GPC6: variants seen among roughly 807,000 people sequenced by gnomAD.
The protein encoded by GPC6 is glypican 6.
In GPC6, 14 loss-of-function variants were observed where a neutral mutation model predicts 55.2. The observed-to-expected ratio is 0.25, with a 90% CI of 0.17 to 0.40. The LOEUF is 0.40. GPC6 is among the 10% of genes least tolerant of loss of function. The probability of loss-of-function intolerance (pLI) is 1.00; values close to 1 mark genes in which losing one functional copy is unlikely to be tolerated. For missense variants in GPC6, 641 were observed against 708.5 expected, an observed-to-expected ratio of 0.90 and a Z score of 1.08; for synonymous variants, 278 against 259.6, an observed-to-expected ratio of 1.07 and a Z score of -0.68.
intron 2 of GPC6, among the ~76,000 whole-genome samples, chr13:93,558,776 T>C (rs1269804078): frequency 1.3e-5 from 2 of 152,166 alleles, no homozygotes; most frequent in Non-Finnish European, 2.9e-5. Flanking sequence ...ACTAACAGGT[T>C]TACACTGTGG....
intron 2 of GPC6, among the ~76,000 whole-genome samples, chr13:93,786,822 G>A (rs1885828742): frequency 6.6e-6 from 1 of 152,098 alleles, no homozygotes; most frequent in Non-Finnish European, 1.5e-5. Flanking sequence ...CCAGAACTCA[G>A]CTTAGTAAGT....
chr13:94,389,983 G>A (rs1477498771), intron 7 of GPC6, among the ~76,000 whole-genome samples: 1 of 152,184 alleles, frequency 6.6e-6, no homozygotes, highest in African/African-American at 2.4e-5. Context: ...GTTTTTCAAG[G>A]CACCTGATCC....
At chr13:93,253,113 G>A (rs1876841655) in intron 1 of GPC6, among the ~76,000 whole-genome samples, 1 of 152,050 alleles carries the variant, frequency 6.6e-6, no homozygotes, top group African/African-American at 2.4e-5. Context: ...GCATATTTTA[G>A]CTATCACTGA....
chr13:93,685,893 A>G (rs2138772940), intron 2 of GPC6, among the ~76,000 whole-genome samples: 1 of 152,264 alleles, frequency 6.6e-6, no homozygotes, highest in Middle Eastern at 3.4e-3. Flanking sequence ...TTTTCAGATT[A>G]TGAATTTTGG....
intron 1 of GPC6, among the ~76,000 whole-genome samples, chr13:93,419,816 G>T (rs1178813018): frequency 6.6e-6 from 1 of 152,036 alleles, no homozygotes; most frequent in Non-Finnish European, 1.5e-5. Flanking sequence ...AGATGACACT[G>T]TTTCTACATT....
intron 2 of GPC6, among the ~76,000 whole-genome samples, chr13:93,693,430 T>A (rs540616587): frequency 8.9e-4 from 97 of 109,514 alleles, no homozygotes; most frequent in African/African-American, 4.3e-3. Context: ...TATATATATA[T>A]GGAGATATAT....
chr13:94,372,433 A>C (rs1382015922), intron 6 of GPC6, among the ~76,000 whole-genome samples: 2 of 152,156 alleles, frequency 1.3e-5, no homozygotes, highest in African/African-American at 2.4e-5. Context: ...TCCCTTTCCG[A>C]GTCAAAGAAA....
At chr13:93,462,079 G>C (rs1878712882) in intron 1 of GPC6, among the ~76,000 whole-genome samples, 1 of 152,170 alleles carries the variant, frequency 6.6e-6, no homozygotes, top group African/African-American at 2.4e-5. Context: ...CTCAACAGCT[G>C]TCAATGTTAA....
chr13:94,069,864 G>T (rs533939769), intron 4 of GPC6, among the ~76,000 whole-genome samples: 20 of 152,260 alleles, frequency 1.3e-4, no homozygotes, highest in Admixed American at 3.3e-4. Flanking sequence ...CAAATCTCTA[G>T]GGAGTTCCAA....
In GPC6 at chr13:94,403,033, C is replaced by T. The variant is rs778744383; in HGVS notation, c.1484C>T (p.Ser495Leu). ...ACACTAGGTGATGAATCCAGTGGCT[C>T]AGGGAGTGGCAGTGGGTGCATGGAT... ...FQDTSDESSG[S>L]GSGSGCMDDV... The change falls in exon 9 of 9, where the codon TCA becomes TTA. Residue 495 changes from serine to leucine, a missense_variant. Ser to Leu is a moderately radical substitution (Grantham distance 145). Transcript: ENST00000377047. 3.7e-6 allele frequency: 6 copies of T among 1,612,324 alleles called. No homozygotes were observed. The highest frequency in any genetic ancestry group is 1.7e-5 in the Admixed American group (1 of 60,022).
chr13:94,374,037 C>T (rs1482696930), intron 6 of GPC6, among the ~76,000 whole-genome samples: 2 of 152,030 alleles, frequency 1.3e-5, no homozygotes, highest in Non-Finnish European at 2.9e-5. Flanking sequence ...CACCACCAGT[C>T]CTGCCCTAAA....
At chr13:93,422,317 A>T (rs990022973) in intron 1 of GPC6, among the ~76,000 whole-genome samples, 3 of 152,226 alleles carry the variant, frequency 2.0e-5, no homozygotes, top group Non-Finnish European at 4.4e-5. Flanking sequence ...TGCTGTGTTC[A>T]CAAGTGAGAT....
intron 3 of GPC6, among the ~76,000 whole-genome samples, chr13:94,019,747 T>C (rs1288028042): frequency 1.3e-5 from 2 of 152,214 alleles, no homozygotes; most frequent in Non-Finnish European, 2.9e-5. Context: ...TAAAGTCTTA[T>C]TTGTAGGCTC....
chr13:93,773,070 G>C (rs1456347508), intron 2 of GPC6, among the ~76,000 whole-genome samples: 1 of 152,104 alleles, frequency 6.6e-6, no homozygotes, highest in East Asian at 1.9e-4. Flanking sequence ...TCCTCACAAG[G>C]AAGGCACTTC....
At chr13:93,881,462 A>G (rs140562051) in intron 3 of GPC6, among the ~76,000 whole-genome samples, 328 of 152,200 alleles carry the variant, frequency 2.2e-3, no homozygotes, top group African/African-American at 7.4e-3. Flanking sequence ...ATGGCATAAT[A>G]TAATTTAGGG....
chr13:93,619,344 T>G (rs908150720), intron 2 of GPC6, among the ~76,000 whole-genome samples: 1 of 152,194 alleles, frequency 6.6e-6, no homozygotes, highest in East Asian at 1.9e-4. Flanking sequence ...ATTGACTACA[T>G]GGATTATTTT....
chr13:94,290,320 C>T (rs140906729), intron 5 of GPC6, among the ~76,000 whole-genome samples: 3 of 148,708 alleles, frequency 2.0e-5, no homozygotes, highest in African/African-American at 5.0e-5. Flanking sequence ...TCTTGGGAGA[C>T]GGAGGTAGAA....
intron 2 of GPC6, among the ~76,000 whole-genome samples, chr13:93,642,126 G>C (rs1879975150): frequency 6.6e-6 from 1 of 152,128 alleles, no homozygotes; most frequent in East Asian, 1.9e-4. Flanking sequence ...TATCCAATAG[G>C]TAGTGTTTAG....
chr13:93,542,704 C>G (rs1357538260), intron 1 of GPC6, among the ~76,000 whole-genome samples: 1 of 152,170 alleles, frequency 6.6e-6, no homozygotes, highest in Admixed American at 6.5e-5. Flanking sequence ...TTTTATTGAG[C>G]AGTGATTTGT....
Sources: allele counts gnomAD v4.1 joint callset (sites outside exome capture counted in the v4.1 genomes callset), GRCh38; gene constraint gnomAD v4.1.1; transcripts MANE v1.5; gene names NCBI Gene and HGNC (gene_info 2026-07-23, HGNC 2026-07-21).